Variants in MYO10 observed in about 807,000 individuals in gnomAD.
MYO10 encodes the protein unconventional myosin-X.
A neutral mutation model predicts 257.3 loss-of-function variants in MYO10; 133 were observed. The ratio of observed to expected loss-of-function variants is 0.52; its 90% CI spans 0.45 to 0.60. The LOEUF (loss-of-function observed/expected upper bound fraction) is 0.60, where lower values mean the gene tolerates loss of function less well. Ranked by LOEUF, MYO10 falls within the 20% of genes least tolerant of loss-of-function variation. The probability of loss-of-function intolerance (pLI) is 0.00; values close to 1 mark genes in which losing one functional copy is unlikely to be tolerated. For missense variants in MYO10, 2,399 were observed against 2,635.7 expected (o/e 0.91, Z 1.97); for synonymous variants, 1,104 against 1,028.6 (o/e 1.07, Z -1.40).
rs896939773 is a variant in MYO10 at position 16,882,281 on chromosome 5, T to C, written c.22-4574A>G. On this transcript the variant is annotated intron_variant, in intron 1 of 40. Transcript: ENST00000513610. The stretch of plus-strand genomic sequence containing the variant: ...TGGATATAATAAAAGGGGCTGACTT[T>C]ATCAAATGTTGGTGAGGATGTAGAG... 5.9e-5 allele frequency among the ~76,000 whole-genome samples: 9 copies of C among 152,198 alleles called. 1 individual carries two copies. The highest frequency in any genetic ancestry group is 3.9e-4 in the Admixed American group (6 of 15,266).
chr5:16,711,283 A>G, intron 19 of MYO10, 38 bp from the exon 20 acceptor site: 1 of 1,581,696 alleles, frequency 6.3e-7, no homozygotes, highest in Non-Finnish European at 8.6e-7. Context: ...ATACCATTAG[A>G]AAAAATGGAA....
At position 16,769,124 on chromosome 5, in the gene MYO10, C is replaced by T; in HGVS notation, c.1010G>A (p.Gly337Glu). The T allele has an allele frequency of 6.2e-7, 1 of 1,612,206 alleles. No individual in the cohort carries two copies. Among genetic ancestry groups the T allele is most frequent in the Non-Finnish European group, 8.5e-7 (1 of 1,179,258 alleles). The change falls in exon 10 of 41, where the codon GGG becomes GAG. Residue 337 changes from glycine (G) to glutamate (E), a missense_variant. Around this residue, in one of 3 missense-constraint regions of MYO10, gnomAD observed 337 missense variants for 446.8 expected, o/e 0.75. Coordinates refer to ENST00000513610, the MANE Select transcript of MYO10 (RefSeq NM_012334.3). Reference protein sequence around the residue: ...SRLLAGILHLGNIEFITAGGA... With the variant: ...SRLLAGILHLENIEFITAGGA... ...ACCAGCAGTGATAAATTCTATGTTC[C>T]CAAGATGCAGTATACCAGCAAGCAG...
rs953832884 is a variant in MYO10, at chr5:16,682,969, C to T, written c.4046+911G>A. On this transcript the variant is annotated intron_variant, in intron 30 of 40. Coordinates refer to ENST00000513610, the MANE Select transcript of MYO10 (RefSeq NM_012334.3). ...AGATGTGGAGAAGGTAAGGTAGAAA[C>T]TCACATACCAGAATAAGAAGCACCA... Among the ~76,000 whole-genome samples, 12 of 152,112 alleles carry T rather than the reference C, an allele frequency of 7.9e-5. No homozygotes were observed. In the Middle Eastern group the frequency reaches 0.01, roughly 129 times the overall value.
rs541313754 is a variant in MYO10 at position 16,856,669 on chromosome 5, T to TA, written c.120+20939dup. On this transcript the variant is annotated intron_variant, in intron 2 of 40. Transcript: ENST00000513610. ...AGTCTACAGATGGGGCCTCTTGTCT[T>TA]AGAGAGTCTTGCTCAAGCTTCCGGG... Among the ~76,000 whole-genome samples, 10 of 152,212 alleles carry TA rather than the reference T, an allele frequency of 6.6e-5. No individual in the cohort carries two copies. The South Asian group carries it at 1.0e-3, about 16-fold the overall frequency.
chr5:16,764,366 C>A lies in MYO10; in HGVS notation c.1210G>T (p.Ala404Ser). 6.2e-7 allele frequency: 1 copy of A among 1,613,950 alleles called. No individual in the cohort carries two copies. The highest frequency in any genetic ancestry group is 8.5e-7 in the Non-Finnish European group (1 of 1,179,878). ...AVDSRDSLAM[A>S]LYACCFEWVI... ...CACTCAAAGCAGCACGCATACAGAG[C>A]CATGGCCAGGGAGTCCCTGCTGTCT... Residue 404 changes from alanine to serine, a missense_variant, in exon 12 of 41, where the codon GCT becomes TCT. Ala to Ser is a moderately conservative substitution (Grantham distance 99). Around this residue, in one of 3 missense-constraint regions of MYO10, gnomAD observed 337 missense variants for 446.8 expected, o/e 0.75. Coordinates refer to ENST00000513610, the MANE Select transcript of MYO10 (RefSeq NM_012334.3).
chr5:16,893,931 A>T (rs972591086), intron 1 of MYO10, among the ~76,000 whole-genome samples: 1 of 152,100 alleles, frequency 6.6e-6, no homozygotes, highest in Non-Finnish European at 1.5e-5. Context: ...GGGTACCCAG[A>T]GTGTGTGACA....
chr5:16,715,952 A>G (rs2126588242), intron 19 of MYO10, among the ~76,000 whole-genome samples: 1 of 152,112 alleles, frequency 6.6e-6, no homozygotes, highest in African/African-American at 2.4e-5. Context: ...GCTACTTGGG[A>G]AGTTGAGGCA....
At chr5:16,854,367 T>TA (rs1196347321) in intron 2 of MYO10, among the ~76,000 whole-genome samples, 1 of 152,136 alleles carries the variant, frequency 6.6e-6, no homozygotes, top group Non-Finnish European at 1.5e-5. Context: ...TACTCTGCAA[T>TA]AAAAAAGAGT....
At position 16,666,709 on chromosome 5, in the gene MYO10, G is replaced by A; in HGVS notation, c.6160C>T (p.Gln2054Ter). Reference protein sequence around the residue: ...RYSTTRSASSQGSSR With the variant: ...RYSTTRSASS The stretch of plus-strand genomic sequence containing the variant: ...TCCCGCCTTCACCTGGAGCTGCCCT[G>A]GCTGCTGGCGGAGCGTGTCGTGCTG... Residue 2054 changes from glutamine to a stop codon, truncating the protein, a stop_gained, in exon 41 of 41, where the codon CAG becomes TAG. Transcript: ENST00000513610. LOFTEE classifies it high-confidence loss of function. The A allele has an allele frequency of 6.2e-7, 1 of 1,604,348 alleles. No individual in the cohort carries two copies. The highest frequency in any genetic ancestry group is 8.5e-7 in the Non-Finnish European group (1 of 1,177,094).
rs111351873 is a variant in MYO10 at position 16,792,142 on chromosome 5, G to C, written c.467+2504C>G. ...ACACACACACACACACAGAGAGAGA[G>C]AGAGAGAGAGAGAGAGAGAGAGGGA... On this transcript the variant is annotated intron_variant, in intron 4 of 40. Transcript: ENST00000513610. Among the ~76,000 whole-genome samples the C allele has an allele frequency of 6.1e-5, 9 of 146,624 alleles. No homozygotes were observed. The East Asian group carries it at 1.2e-3, about 20-fold the overall frequency.
Position 16,666,057 on chromosome 5 carries a change from G to A in MYO10, c.*635C>T, listed in dbSNP as rs181621771. ...TTTCCCTTTGCTTTTTAATGCTCATGAAACCATGATTAAAGTGTTGAGTTT... is the reference window on the plus strand; with the variant it reads ...TTTCCCTTTGCTTTTTAATGCTCATAAAACCATGATTAAAGTGTTGAGTTT... On this transcript the variant is annotated 3_prime_UTR_variant, in exon 41 of 41. Coordinates refer to ENST00000513610, the MANE Select transcript of MYO10 (RefSeq NM_012334.3). The A allele has an allele frequency of 5.2e-4, 80 of 152,754 alleles. 1 individual carries two copies. The highest frequency in any genetic ancestry group is 1.8e-3 in the African/African-American group (74 of 41,550). The allele number at this position is 152,754 out of a possible 1,614,324, so 9.5% of individuals were successfully genotyped here. A position where few individuals can be genotyped will look rare whatever the true frequency, so the allele number is the denominator to read the frequency against.
intron 1 of MYO10, among the ~76,000 whole-genome samples, chr5:16,909,443 T>C (rs1382476880): frequency 6.7e-6 from 1 of 149,956 alleles, no homozygotes; most frequent in Non-Finnish European, 1.5e-5. Flanking sequence ...GAGACGGAAG[T>C]TGCAGTGAGC....
At chr5:16,775,403 C>T (rs1741183678) in intron 9 of MYO10, among the ~76,000 whole-genome samples, 1 of 152,132 alleles carries the variant, frequency 6.6e-6, no homozygotes, top group Admixed American at 6.5e-5. Context: ...TGCCAGAATA[C>T]ACTAACATTA....
Position 16,769,099 on chromosome 5 carries a change from A to G in MYO10, c.1035T>C (p.Gly345=). The change falls in exon 10 of 41, where the codon GGT becomes GGC. Residue 345 remains glycine (G), a synonymous_variant. Coordinates refer to ENST00000513610, the MANE Select transcript of MYO10 (RefSeq NM_012334.3). ...HLGNIEFITA[G]GAQVSFKTAL... Reference sequence around the variant, plus strand: ...CTGTTTTGAAGGAAACCTGTGCCCCACCAGCAGTGATAAATTCTATGTTCC... The same window carrying G: ...CTGTTTTGAAGGAAACCTGTGCCCCGCCAGCAGTGATAAATTCTATGTTCC... 1 of 1,612,114 alleles carries G rather than the reference A, an allele frequency of 6.2e-7. No individual in the cohort carries two copies. Among genetic ancestry groups the G allele is most frequent in the Non-Finnish European group, 8.5e-7 (1 of 1,179,294 alleles).
At chr5:16,832,249 GT>G (rs1382906127) in intron 2 of MYO10, among the ~76,000 whole-genome samples, 3 of 152,054 alleles carry the variant, frequency 2.0e-5, no homozygotes, top group Non-Finnish European at 4.4e-5. Context: ...CTTTGTAGGT[GT>G]TTTTAATACT....
intron 1 of MYO10, among the ~76,000 whole-genome samples, chr5:16,926,891 G>GAAAC (rs1428191961): frequency 6.6e-6 from 1 of 152,138 alleles, no homozygotes; most frequent in African/African-American, 2.4e-5. Context: ...TATTACTCAT[G>GAAAC]AAACATCAAC....
chr5:16,702,561 G>T lies in MYO10; in HGVS notation c.2538C>A (p.Ala846=). ...TCATTACCTGCTGGGCGCGGAGCTC[G>T]GCTTCTCTTCGCTCTCTCTCTCTTT... ...ERERERERRE[A]ELRAQQEEET... is the part of the protein sequence containing the mutation. Residue 846 remains alanine (A), a synonymous_variant, in exon 24 of 41, where the codon GCC becomes GCA. Transcript: ENST00000513610. The T allele has an allele frequency of 6.3e-7, 1 of 1,591,220 alleles. No individual in the cohort carries two copies. The highest frequency in any genetic ancestry group is 8.6e-7 in the Non-Finnish European group (1 of 1,168,316).
intron 19 of MYO10, among the ~76,000 whole-genome samples, chr5:16,753,618 G>A (rs1217166902): frequency 6.6e-6 from 1 of 151,632 alleles, no homozygotes; most frequent in African/African-American, 2.4e-5. Flanking sequence ...TTACAGGCAC[G>A]TGACACCATG....
At chr5:16,688,600 C>G (rs1737352246) in intron 28 of MYO10, among the ~76,000 whole-genome samples, 1 of 151,790 alleles carries the variant, frequency 6.6e-6, no homozygotes, top group African/African-American at 2.4e-5. Context: ...ATTTGCCAGG[C>G]GTGGTGGTGC....
Sources: gnomAD v4.1 joint callset for allele counts (sites outside exome capture counted in the v4.1 genomes callset) on GRCh38, gnomAD v4.1.1 for gene constraint, gnomAD v4.1.1 regional missense constraint, MANE v1.5 for transcripts, NCBI Gene and HGNC (gene_info 2026-07-23, HGNC 2026-07-21) for gene names.